The following GPAT3 variants were observed in gnomAD, a reference collection of about 807,000 sequenced individuals.
GPAT3 encodes the protein 1-AGP acyltransferase 9.
GPAT3 carries 53 observed loss-of-function variants against 58.8 expected under a neutral mutation model. That is an observed-to-expected ratio of 0.90 (90% CI 0.72 to 1.13). The LOEUF (loss-of-function observed/expected upper bound fraction) is 1.13, where lower values mean the gene tolerates loss of function less well. GPAT3 is among the 50% of genes most tolerant of loss of function. The pLI, the probability that GPAT3 is intolerant of heterozygous loss-of-function variation, is 0.00. For missense variants in GPAT3, 511 were observed against 527.6 expected (o/e 0.97, Z 0.31); for synonymous variants, 197 against 187.4 (o/e 1.05, Z -0.42).
rs183238671 is a variant in GPAT3 at position 83,603,436 on chromosome 4, G to A, written c.1206-1232G>A. Among the ~76,000 whole-genome samples the A allele has an allele frequency of 3.3e-5, 5 of 152,236 alleles. No individual in the cohort carries two copies. The East Asian group carries it at 5.8e-4, about 18-fold the overall frequency. ...AACTTATGATTTTGTTATTTTATTC[G>A]GAATCTGTTTTGGAATATAAATGAT... is the stretch of plus-strand genomic sequence containing the variant. On this transcript the variant is annotated intron_variant, in intron 11 of 11. Transcript: ENST00000264409.
At chr4:83,585,049 T>A (rs781153529) in intron 3 of GPAT3, among the ~76,000 whole-genome samples, 3 of 152,196 alleles carry the variant, frequency 2.0e-5, no homozygotes, top group African/African-American at 4.8e-5. Context: ...TGGGAACAAG[T>A]GATTCTCATT....
At chr4:83,599,669 A>C (rs1047902698) in intron 11 of GPAT3, among the ~76,000 whole-genome samples, 1 of 152,208 alleles carries the variant, frequency 6.6e-6, no homozygotes, top group Non-Finnish European at 1.5e-5. Context: ...AAGGGAAATA[A>C]GTGAAATATT....
At chr4:83,561,925 A>G (rs764974509) in intron 2 of GPAT3, among the ~76,000 whole-genome samples, 11 of 150,988 alleles carry the variant, frequency 7.3e-5, no homozygotes, top group Non-Finnish European at 1.6e-4. Flanking sequence ...TGGAAATGAT[A>G]TTTCGTAAGT....
chr4:83,589,769 G>A (rs531147427), intron 5 of GPAT3, among the ~76,000 whole-genome samples: 22 of 152,178 alleles, frequency 1.4e-4, no homozygotes, highest in Non-Finnish European at 2.8e-4. Context: ...AGATGGGCCC[G>A]TGTACCTCCA....
intron 2 of GPAT3, among the ~76,000 whole-genome samples, chr4:83,553,277 C>T (rs1724820298): frequency 6.6e-6 from 1 of 152,138 alleles, no homozygotes; most frequent in South Asian, 2.1e-4. Context: ...GGGAATTAAG[C>T]CTTGAATCAC....
chr4:83,567,546 G>A (rs1725446064), intron 2 of GPAT3, among the ~76,000 whole-genome samples: 1 of 152,180 alleles, frequency 6.6e-6, no homozygotes, highest in African/African-American at 2.4e-5. Flanking sequence ...GATTTTTACA[G>A]TTGATTCTTA....
Position 83,598,692 on chromosome 4 carries a change from G to T in GPAT3, c.1174G>T (p.Ala392Ser), listed in dbSNP as rs149985138. ...TGCTAACAGGGTTAAGTCTGCTATT[G>T]CTATACAAGGAGGCCTGACTGAACT... Reference protein sequence around the residue: ...QFANRVKSAIAIQGGLTELPW... With the variant: ...QFANRVKSAISIQGGLTELPW... The change falls in exon 11 of 12, where the codon GCT becomes TCT. Residue 392 changes from alanine to serine, a missense_variant. By Grantham distance (99) the Ala-to-Ser change is moderately conservative. Coordinates refer to ENST00000264409, the MANE Select transcript of GPAT3 (RefSeq NM_032717.5). 4.1e-6 allele frequency: 6 copies of T among 1,469,564 alleles called. No individual in the cohort carries two copies. The highest frequency in any genetic ancestry group is 5.5e-6 in the Non-Finnish European group (6 of 1,098,614). 91.0% of individuals were successfully genotyped at this position (1,469,564 alleles called of 1,614,324 possible).
At chr4:83,562,178 A>ATT (rs1452628940) in intron 2 of GPAT3, among the ~76,000 whole-genome samples, 2 of 53,014 alleles carry the variant, frequency 3.8e-5, no homozygotes, top group African/African-American at 2.1e-4. Context: ...TATTTTATAT[A>ATT]TTATATATAT....
rs1299354012 is a variant in GPAT3, at chr4:83,605,222, A to G, written c.*455A>G. On this transcript the variant is annotated 3_prime_UTR_variant, in exon 12 of 12. Coordinates refer to ENST00000264409, the MANE Select transcript of GPAT3 (RefSeq NM_032717.5). ...ATGGTTATGGTCTACTGCAAGGTTG[A>G]AAGGAAAAATGGAGGATTGTATTTA... is the stretch of plus-strand genomic sequence containing the variant. 1 of 152,386 alleles carries G rather than the reference A, an allele frequency of 6.6e-6. No homozygotes were observed. Among genetic ancestry groups the G allele is most frequent in the Non-Finnish European group, 1.5e-5 (1 of 68,162 alleles). 9.4% of individuals were successfully genotyped at this position (152,386 alleles called of 1,614,324 possible).
intron 2 of GPAT3, among the ~76,000 whole-genome samples, chr4:83,580,239 C>T (rs1257208281): frequency 6.6e-6 from 1 of 152,116 alleles, no homozygotes; most frequent in Non-Finnish European, 1.5e-5. Flanking sequence ...AATACAGTAA[C>T]AGCACAGAGA....
At chr4:83,538,184 C>T (rs1467975755) in intron 1 of GPAT3, among the ~76,000 whole-genome samples, 1 of 152,162 alleles carries the variant, frequency 6.6e-6, no homozygotes, top group African/African-American at 2.4e-5. Context: ...AGGTATACAT[C>T]TCTAACCCAC....
At chr4:83,596,827 G>T in intron 7 of GPAT3, 31 bp from the exon 8 acceptor site, 1 of 1,569,938 alleles carries the variant, frequency 6.4e-7, no homozygotes, top group Non-Finnish European at 8.8e-7. Flanking sequence ...TCTTTATAAA[G>T]GCAGAATTTT....
At position 83,581,684 on chromosome 4, in the gene GPAT3, G is replaced by A. The variant is rs1177857399; in HGVS notation, c.331G>A (p.Glu111Lys). The change falls in exon 3 of 12, where the codon GAA (glutamate) becomes AAA (lysine). Residue 111 changes from glutamate (E) to lysine (K), a missense_variant. Transcript: ENST00000264409. ...KKGLEAIVED[E>K]VTQRFSSEEL... ...GGGATTGGAAGCCATTGTAGAAGATGAAGTGACCCAGAGGTTTTCCTCAGA... is the reference window on the plus strand; with the variant it reads ...GGGATTGGAAGCCATTGTAGAAGATAAAGTGACCCAGAGGTTTTCCTCAGA... 4 of 1,614,066 alleles carry A rather than the reference G, an allele frequency of 2.5e-6. No homozygotes were observed. The highest frequency in any genetic ancestry group is 2.5e-6 in the Non-Finnish European group (3 of 1,180,040).
At chr4:83,577,814 T>TTTTTTTGTA (rs1725874604) in intron 2 of GPAT3, among the ~76,000 whole-genome samples, 1 of 146,556 alleles carries the variant, frequency 6.8e-6, no homozygotes, top group African/African-American at 2.6e-5. Context: ...TTTTTTTTTT[T>TTTTTTTGTA]GAGACAGGGT....
At chr4:83,587,217 T>G (rs982999155) in intron 3 of GPAT3, 38 bp from the exon 4 acceptor site, 1 of 1,558,376 alleles carries the variant, frequency 6.4e-7, no homozygotes, top group Non-Finnish European at 8.8e-7. Flanking sequence ...CCATGCTATG[T>G]GTCAAAATCT....
intron 2 of GPAT3, among the ~76,000 whole-genome samples, chr4:83,562,225 A>ATT (rs1185063026): frequency 2.9e-4 from 18 of 61,402 alleles, no homozygotes; most frequent in African/African-American, 1.3e-3. Flanking sequence ...ATATATATAT[A>ATT]ATATATATAT....
Position 83,536,765 on chromosome 4 carries a change from T to G in GPAT3, c.141+2T>G. On this transcript the variant is annotated splice_donor_variant, in intron 1 of 11. Transcript: ENST00000264409. LOFTEE classifies it high-confidence loss of function. ...AAGATCCTAGTGAAAACTTTAGAGG[T>G]GAGTGCCGGGAGGGATGCAGCCAGC... The G allele has an allele frequency of 6.2e-7, 1 of 1,607,376 alleles. No individual in the cohort carries two copies.
intron 2 of GPAT3, among the ~76,000 whole-genome samples, chr4:83,570,668 T>G (rs1028242074): frequency 1.3e-5 from 2 of 152,116 alleles, no homozygotes; most frequent in African/African-American, 4.8e-5. Flanking sequence ...AGACAGGGTT[T>G]TACTATGTTG....
chr4:83,546,219 A>G (rs982152901), intron 2 of GPAT3, among the ~76,000 whole-genome samples: 1 of 152,070 alleles, frequency 6.6e-6, no homozygotes, highest in Non-Finnish European at 1.5e-5. Flanking sequence ...TACTGACCTC[A>G]AGCGATCCTC....
Sources: gnomAD v4.1 joint callset for allele counts (sites outside exome capture counted in the v4.1 genomes callset) on GRCh38, gnomAD v4.1.1 for gene constraint, MANE v1.5 for transcripts, NCBI Gene and HGNC (gene_info 2026-07-23, HGNC 2026-07-21) for gene names.